The following SRRM3 variants were observed in gnomAD, a reference collection of about 807,000 sequenced individuals.
SRRM3 encodes the protein serine/arginine repetitive matrix 3, also known as serine/arginine repetitive matrix protein 3.
In SRRM3, 27 loss-of-function variants were observed where a neutral mutation model predicts 66.2. That is an observed-to-expected ratio of 0.41 (90% CI 0.30 to 0.56). The LOEUF is 0.56. Ranked by LOEUF, SRRM3 falls within the 20% of genes least tolerant of loss-of-function variation. SRRM3 has a pLI of 0.32. For synonymous variants in SRRM3, 391 were observed against 414.9 expected (o/e 0.94, Z 0.70); for missense variants, 918 against 991.9 (o/e 0.93, Z 1.00).
At chr7:76,258,849 G>T (rs1403464857) in intron 3 of SRRM3, among the ~76,000 whole-genome samples, 1 of 151,796 alleles carries the variant, frequency 6.6e-6, no homozygotes, top group African/African-American at 2.4e-5. Context: ...CTGAGATCGG[G>T]AGTTCCATAC....
intron 11 of SRRM3, among the ~76,000 whole-genome samples, chr7:76,277,548 T>G (rs1802378547): frequency 6.6e-6 from 1 of 151,540 alleles, no homozygotes; most frequent in Admixed American, 6.6e-5. Context: ...ACAAAAAAAT[T>G]AGCTTGACAT....
At chr7:76,239,889 C>A (rs143957839) in intron 2 of SRRM3, among the ~76,000 whole-genome samples, 3 of 151,674 alleles carry the variant, frequency 2.0e-5, no homozygotes, top group Admixed American at 2.0e-4. Flanking sequence ...AATTGCTGGG[C>A]GTGGTGGCTC....
chr7:76,220,972 A>G lies in SRRM3; in HGVS notation c.-39-14056A>G, dbSNP rs536463557. Among the ~76,000 whole-genome samples, 69 of 151,892 alleles carry G rather than the reference A, an allele frequency of 4.5e-4. 2 individuals are homozygous for G. In the South Asian group the frequency reaches 0.014, roughly 31 times the overall value. Reference sequence around the variant, plus strand: ...GCGCCTCTCCAGAGAGACTCCAAGGAGTCATGGAGGAAGCTCACTGGGCTC... The same window carrying G: ...GCGCCTCTCCAGAGAGACTCCAAGGGGTCATGGAGGAAGCTCACTGGGCTC... On this transcript the variant is annotated intron_variant, in intron 1 of 14. Coordinates refer to ENST00000611745, the MANE Select transcript of SRRM3 (RefSeq NM_001110199.3).
intron 3 of SRRM3, among the ~76,000 whole-genome samples, chr7:76,249,879 AAAT>A (rs1367112260): frequency 6.6e-6 from 1 of 151,914 alleles, no homozygotes; most frequent in African/African-American, 2.4e-5. Flanking sequence ...AATAATAATA[AAAT>A]AATAATAATA....
intron 11 of SRRM3, among the ~76,000 whole-genome samples, chr7:76,279,204 A>G (rs1802435707): frequency 1.3e-5 from 2 of 152,060 alleles, no homozygotes; most frequent in Admixed American, 1.3e-4. Context: ...GGTTGCAGTG[A>G]GCCCAGATCA....
At chr7:76,251,881 G>C (rs538678968) in intron 3 of SRRM3, among the ~76,000 whole-genome samples, 1 of 152,072 alleles carries the variant, frequency 6.6e-6, no homozygotes, top group South Asian at 2.1e-4. Flanking sequence ...TGGCCAACAC[G>C]GTGAAACCCC....
At chr7:76,245,718 C>T (rs1301489486) in intron 2 of SRRM3, among the ~76,000 whole-genome samples, 2 of 152,126 alleles carry the variant, frequency 1.3e-5, no homozygotes, top group African/African-American at 4.8e-5. Context: ...TTTTTTGAGA[C>T]GGAGTCTCGC....
At chr7:76,231,108 C>T (rs1280499412) in intron 1 of SRRM3, among the ~76,000 whole-genome samples, 3 of 152,090 alleles carry the variant, frequency 2.0e-5, no homozygotes, top group Admixed American at 1.3e-4. Flanking sequence ...CCTGTGCGTG[C>T]AGTCCTGCAG....
intron 3 of SRRM3, among the ~76,000 whole-genome samples, chr7:76,254,807 T>C (rs1554607440): frequency 6.6e-6 from 1 of 151,892 alleles, no homozygotes; most frequent in African/African-American, 2.4e-5. Flanking sequence ...CCTGGAAGGA[T>C]GGGGCTTGAT....
intron 10 of SRRM3, 54 bp downstream of exon 10, chr7:76,265,522 T>C: frequency 7.0e-7 from 1 of 1,435,422 alleles, no homozygotes; most frequent in Non-Finnish European, 9.6e-7. Flanking sequence ...GGGTTGCAGA[T>C]TAAACACCCC....
chr7:76,282,476 C>G (rs1554612068), intron 12 of SRRM3, 172 bp from the exon 13 acceptor site: 2 of 441,126 alleles, frequency 4.5e-6, no homozygotes, highest in African/African-American at 2.1e-5. Context: ...TCCCCCTGAA[C>G]TGACCCCTGC....
At chr7:76,267,130 T>C in intron 10 of SRRM3, 128 bp from the exon 11 acceptor site, 1 of 860,438 alleles carries the variant, frequency 1.2e-6, no homozygotes. Context: ...GTTCCCAGCA[T>C]GGTGAAAAGG....
At position 76,267,395 on chromosome 7, in the gene SRRM3, C is replaced by A. The variant is rs1554609903; in HGVS notation, c.968C>A (p.Ala323Glu). 1.4e-6 allele frequency: 2 copies of A among 1,400,370 alleles called. No individual in the cohort carries two copies. The highest frequency in any genetic ancestry group is 1.6e-5 in the South Asian group (1 of 61,056). 86.7% of individuals were successfully genotyped at this position (1,400,370 alleles called of 1,614,324 possible). ...RNGGSGQRSG[A>E]HGGRPGSAHS... ...GGCGGCAGCGGGCAGCGGAGCGGAG[C>A]GCACGGGGGCCGCCCCGGCTCGGCG... Residue 323 changes from alanine (A) to glutamate (E), a missense_variant, in exon 11 of 15, where the codon GCG (alanine) becomes GAG (glutamate). Coordinates refer to ENST00000611745, the MANE Select transcript of SRRM3 (RefSeq NM_001110199.3).
chr7:76,270,272 C>G (rs1282218301), intron 11 of SRRM3, among the ~76,000 whole-genome samples: 1 of 152,176 alleles, frequency 6.6e-6, no homozygotes, highest in African/African-American at 2.4e-5. Context: ...ACAGGCTGTT[C>G]AGGACCATCA....
intron 11 of SRRM3, among the ~76,000 whole-genome samples, chr7:76,278,277 A>G (rs1202944599): frequency 3.3e-5 from 5 of 152,084 alleles, no homozygotes; most frequent in African/African-American, 1.2e-4. Context: ...ACCTGAGGTC[A>G]GGGGCTCAAG....
At chr7:76,269,864 G>T in intron 11 of SRRM3, 1 of 150,526 alleles carries the variant, frequency 6.6e-6, no homozygotes, top group Admixed American at 6.6e-5. Flanking sequence ...GTTACTGTGG[G>T]AACCTTTCCT....
chr7:76,278,750 G>C (rs555516717), intron 11 of SRRM3, among the ~76,000 whole-genome samples: 16 of 152,310 alleles, frequency 1.1e-4, no homozygotes, highest in Admixed American at 9.8e-4. Context: ...CACCAATCAG[G>C]AGCCATCTGT....
intron 10 of SRRM3, among the ~76,000 whole-genome samples, chr7:76,266,982 T>C (rs1479101003): frequency 6.6e-6 from 1 of 151,944 alleles, no homozygotes; most frequent in African/African-American, 2.4e-5. Flanking sequence ...CTAATAATAA[T>C]TTTTAAAAAG....
Position 76,282,867 on chromosome 7 carries a change from C to A in SRRM3, c.1590C>A (p.Leu530=). The part of the protein sequence containing the change: ...PSRSPSPKKP[L]SRDKDGEGRA... ...GCTCGCCGTCGCCCAAGAAGCCCCT[C>A]AGCCGGTGAGTGCCCGCCCGGACCG... The change falls in exon 13 of 15, where the codon CTC becomes CTA. Residue 530 remains leucine, a synonymous_variant. Transcript: ENST00000611745. 1 of 1,443,688 alleles carries A rather than the reference C, an allele frequency of 6.9e-7. No individual in the cohort carries two copies. The highest frequency in any genetic ancestry group is 1.3e-5 in the South Asian group (1 of 74,116). The allele number at this position is 1,443,688 out of a possible 1,614,324, so 89.4% of individuals were successfully genotyped here.
Sources: gnomAD v4.1 joint callset for allele counts (sites outside exome capture counted in the v4.1 genomes callset) on GRCh38, gnomAD v4.1.1 for gene constraint, MANE v1.5 for transcripts, NCBI Gene and HGNC (gene_info 2026-07-23, HGNC 2026-07-21) for gene names.